The following DOCK1 variants were observed in gnomAD, a reference collection of about 807,000 sequenced individuals.
The protein encoded by DOCK1 is dedicator of cytokinesis protein 1.
DOCK1 carries 138 observed loss-of-function variants against 262.7 expected under a neutral mutation model. The ratio of observed to expected loss-of-function variants is 0.53; its 90% CI spans 0.46 to 0.61. The LOEUF (loss-of-function observed/expected upper bound fraction) is 0.61. Ranked by LOEUF, DOCK1 falls within the 20% of genes least tolerant of loss-of-function variation. The pLI is 0.00. For missense variants in DOCK1, 1,908 were observed against 2,370.7 expected, an observed-to-expected ratio of 0.80 and a Z score of 4.05; for synonymous variants, 866 against 867.4, an observed-to-expected ratio of 1.00 and a Z score of 0.03.
At chr10:127,361,728 A>T (rs944752430) in intron 32 of DOCK1, among the ~76,000 whole-genome samples, 18 of 152,302 alleles carry the variant, frequency 1.2e-4, no homozygotes, top group African/African-American at 4.3e-4. Context: ...TCTATTCAGA[A>T]TTGGGAATTA....
At chr10:127,385,958 T>G (rs1342796944) in intron 38 of DOCK1, among the ~76,000 whole-genome samples, 2 of 152,194 alleles carry the variant, frequency 1.3e-5, no homozygotes, top group Non-Finnish European at 2.9e-5. Context: ...CCAAATACCC[T>G]GTTTCCAAAT....
chr10:127,096,012 G>C (rs977198655), intron 23 of DOCK1, among the ~76,000 whole-genome samples: 1 of 152,162 alleles, frequency 6.6e-6, no homozygotes, highest in Non-Finnish European at 1.5e-5. Context: ...AATGCTATCT[G>C]AAAAACCAGA....
intron 23 of DOCK1, among the ~76,000 whole-genome samples, chr10:127,097,330 C>G (rs1478701713): frequency 6.6e-6 from 1 of 152,062 alleles, no homozygotes; most frequent in Non-Finnish European, 1.5e-5. Flanking sequence ...AAGAGGTGAA[C>G]CAAATCTTAA....
At chr10:126,941,673 T>G (rs2035012048) in intron 1 of DOCK1, among the ~76,000 whole-genome samples, 2 of 152,014 alleles carry the variant, frequency 1.3e-5, no homozygotes, top group Admixed American at 6.5e-5. Flanking sequence ...GAGAATGGCG[T>G]GAACCCGGGA....
intron 31 of DOCK1, among the ~76,000 whole-genome samples, chr10:127,352,720 G>C (rs999385542): frequency 6.6e-6 from 1 of 152,154 alleles, no homozygotes; most frequent in African/African-American, 2.4e-5. Context: ...AGACTCCCAA[G>C]TAGCTGGGAT....
At position 127,335,283 on chromosome 10, in the gene DOCK1, T is replaced by A. The variant is rs1453169396; in HGVS notation, c.3045-3723T>A. ...CAGCAGTGTCCAGCACAGATAGAGT[T>A]GTCAGGATGCAGAGTCAGGCGCATT... On this transcript the variant is annotated intron_variant, in intron 29 of 51. Coordinates refer to ENST00000623213, the MANE Select transcript of DOCK1 (RefSeq NM_001290223.2). Among the ~76,000 whole-genome samples the A allele has an allele frequency of 2.0e-5, 3 of 152,136 alleles. No individual in the cohort carries two copies. The East Asian group carries it at 5.8e-4, about 29-fold the overall frequency.
intron 25 of DOCK1, among the ~76,000 whole-genome samples, chr10:127,111,133 C>A (rs2048839070): frequency 6.6e-6 from 1 of 152,144 alleles, no homozygotes; most frequent in Non-Finnish European, 1.5e-5. Flanking sequence ...TTCACGGATC[C>A]CAGACTTGGG....
At chr10:127,226,079 C>CAAA (rs58963480) in intron 27 of DOCK1, among the ~76,000 whole-genome samples, 91 of 94,600 alleles carry the variant, frequency 9.6e-4, no homozygotes, top group Middle Eastern at 0.013. Flanking sequence ...GACTCTGTCT[C>CAAA]AAAAAAAAAA....
At chr10:127,303,511 G>A (rs1457725005) in intron 29 of DOCK1, among the ~76,000 whole-genome samples, 2 of 151,746 alleles carry the variant, frequency 1.3e-5, no homozygotes, top group African/African-American at 2.4e-5. Flanking sequence ...CTAGGCACTG[G>A]GTTAAACACT....
At chr10:127,362,440 CT>C (rs1267684363) in intron 33 of DOCK1, among the ~76,000 whole-genome samples, 3 of 152,204 alleles carry the variant, frequency 2.0e-5, no homozygotes, top group Non-Finnish European at 4.4e-5. Context: ...CTCTTACTTA[CT>C]TCTTTTAATC....
At chr10:127,070,460 G>A (rs2046162188) in intron 23 of DOCK1, among the ~76,000 whole-genome samples, 2 of 151,806 alleles carry the variant, frequency 1.3e-5, no homozygotes, top group African/African-American at 4.8e-5. Context: ...CACCACATTT[G>A]CCAGGCCGGT....
At chr10:127,006,102 G>A (rs932149421) in intron 10 of DOCK1, among the ~76,000 whole-genome samples, 11 of 152,198 alleles carry the variant, frequency 7.2e-5, no homozygotes, top group South Asian at 4.1e-4. Context: ...GGGGCTTGAA[G>A]CATCCCACCT....
chr10:127,044,011 G>GCT (rs1327175121), intron 21 of DOCK1, among the ~76,000 whole-genome samples: 1 of 152,088 alleles, frequency 6.6e-6, no homozygotes, highest in Non-Finnish European at 1.5e-5. Context: ...TGACTTACCG[G>GCT]CTCTTTCTTG....
chr10:127,169,862 C>T (rs996226407), intron 27 of DOCK1, among the ~76,000 whole-genome samples: 17 of 152,096 alleles, frequency 1.1e-4, no homozygotes, highest in African/African-American at 3.6e-4. Flanking sequence ...TAAAGTTGAG[C>T]AAACCTTGGT....
chr10:127,255,054 G>C (rs962253337), intron 28 of DOCK1, among the ~76,000 whole-genome samples: 3 of 152,186 alleles, frequency 2.0e-5, no homozygotes, highest in African/African-American at 7.2e-5. Context: ...CAGATGGATG[G>C]CTGCTATTAG....
chr10:127,132,374 A>G (rs1411906845), intron 27 of DOCK1, among the ~76,000 whole-genome samples: 1 of 152,236 alleles, frequency 6.6e-6, no homozygotes, highest in Non-Finnish European at 1.5e-5. Context: ...GTGAATACCT[A>G]GCACATGCCC....
chr10:127,384,680 C>T (rs527498583), intron 37 of DOCK1, 110 bp from the exon 38 acceptor site: 2 of 1,286,554 alleles, frequency 1.6e-6, no homozygotes, highest in South Asian at 4.6e-5. Flanking sequence ...AGCAGCCACA[C>T]ATGTCTCCAG....
chr10:127,327,568 C>G (rs1423996502), intron 29 of DOCK1, among the ~76,000 whole-genome samples: 2 of 152,220 alleles, frequency 1.3e-5, no homozygotes, highest in Non-Finnish European at 2.9e-5. Flanking sequence ...ATTCACACCA[C>G]TGAAACTTTC....
intron 27 of DOCK1, among the ~76,000 whole-genome samples, chr10:127,159,841 G>A (rs1056344419): frequency 1.3e-5 from 2 of 152,122 alleles, no homozygotes; most frequent in African/African-American, 4.8e-5. Flanking sequence ...CCTGAGAGCC[G>A]CACCATGGCC....
Sources: allele counts gnomAD v4.1 joint callset (sites outside exome capture counted in the v4.1 genomes callset), GRCh38; gene constraint gnomAD v4.1.1; transcripts MANE v1.5; gene names NCBI Gene and HGNC (gene_info 2026-07-23, HGNC 2026-07-21).